LRRC7: variants seen among roughly 807,000 people sequenced by gnomAD.
LRRC7 encodes the protein leucine-rich repeat-containing protein 7.
In LRRC7, 23 loss-of-function variants were observed where a neutral mutation model predicts 175.7. The ratio of observed to expected loss-of-function variants is 0.13; its 90% confidence interval spans 0.09 to 0.19. The LOEUF (loss-of-function observed/expected upper bound fraction) is 0.19, where lower values mean the gene tolerates loss of function less well. LRRC7 is among the 10% of genes least tolerant of loss of function. The pLI is 1.00. For missense variants in LRRC7, 1,354 were observed against 1,904.7 expected (o/e 0.71, Z 5.38); for synonymous variants, 685 against 680.9 (o/e 1.01, Z -0.09).
chr1:70,125,574 C>T lies in LRRC7; in HGVS notation c.*3687C>T, dbSNP rs1341015009. Among the ~76,000 whole-genome samples, 3 of 151,978 alleles carry T rather than the reference C, an allele frequency of 2.0e-5. No individual in the cohort carries two copies. Among genetic ancestry groups the T allele is most frequent in the African/African-American group, 7.3e-5 (3 of 41,376 alleles). Reference sequence around the variant, plus strand: ...TTGGGAGGCCGAGGCGGGCGGATCACGAGGTCAGGAGATCGAGACCATCCC... The same window carrying T: ...TTGGGAGGCCGAGGCGGGCGGATCATGAGGTCAGGAGATCGAGACCATCCC... On this transcript the variant is annotated 3_prime_UTR_variant, in exon 27 of 27. Transcript: ENST00000651989.
At chr1:70,077,499 A>G (rs1364538412) in intron 24 of LRRC7, among the ~76,000 whole-genome samples, 8 of 152,212 alleles carry the variant, frequency 5.3e-5, no homozygotes, top group Admixed American at 3.3e-4. Flanking sequence ...ATTCATAGAT[A>G]TGACTTGCCC....
Position 69,605,506 on chromosome 1 carries a change from G to A in LRRC7, c.2+36865G>A, listed in dbSNP as rs1005803451. 1.3e-5 allele frequency among the ~76,000 whole-genome samples: 2 copies of A among 152,180 alleles called. 1 individual carries two copies. The highest frequency in any genetic ancestry group is 2.9e-5 in the Non-Finnish European group (2 of 68,028). On this transcript the variant is annotated intron_variant, in intron 1 of 26. Coordinates refer to ENST00000651989, the MANE Select transcript of LRRC7 (RefSeq NM_001370785.2). ...GCTTTGTGCAGGGCACTTACTGCAT[G>A]TCATAGAGGATGCAAAAATTAATAA...
At chr1:70,117,386 C>A (rs1665933332) in intron 26 of LRRC7, among the ~76,000 whole-genome samples, 1 of 152,106 alleles carries the variant, frequency 6.6e-6, no homozygotes, top group South Asian at 2.1e-4. Flanking sequence ...AAACATAAAT[C>A]CAGGAGAGAA....
chr1:69,901,778 G>A (rs1043190144), intron 7 of LRRC7, among the ~76,000 whole-genome samples: 2 of 151,990 alleles, frequency 1.3e-5, no homozygotes, highest in African/African-American at 4.8e-5. Context: ...ACACTTAACT[G>A]AATGCTGATG....
intron 3 of LRRC7, among the ~76,000 whole-genome samples, chr1:69,778,868 A>G (rs959907483): frequency 6.6e-5 from 10 of 151,730 alleles, no homozygotes; most frequent in Admixed American, 5.3e-4. Flanking sequence ...GCAAAAACAA[A>G]TATATACACA....
At chr1:69,585,238 ACTTTT>A (rs5774985) in intron 1 of LRRC7, among the ~76,000 whole-genome samples, 22,944 of 152,078 alleles carry the variant, frequency 0.15, 1,888 homozygotes, top group Admixed American at 0.19. Context: ...TAATATATAT[ACTTTT>A]CTTTATGTAA....
At chr1:69,687,227 G>C (rs1661258674) in intron 2 of LRRC7, among the ~76,000 whole-genome samples, 3 of 152,144 alleles carry the variant, frequency 2.0e-5, no homozygotes, top group Admixed American at 2.0e-4. Context: ...TATTATTTTA[G>C]GACAGGCACG....
chr1:69,975,292 C>G (rs1036162110), intron 8 of LRRC7, among the ~76,000 whole-genome samples: 3 of 152,156 alleles, frequency 2.0e-5, no homozygotes, highest in African/African-American at 7.2e-5. Flanking sequence ...AGCATCCTCA[C>G]CCACCTACAC....
At chr1:69,744,839 T>A (rs1392356593) in intron 2 of LRRC7, among the ~76,000 whole-genome samples, 3 of 151,842 alleles carry the variant, frequency 2.0e-5, no homozygotes, top group Non-Finnish European at 4.4e-5. Context: ...CATGCTATTA[T>A]AAAAATACAC....
At chr1:69,611,675 A>C (rs1034410146) in intron 1 of LRRC7, among the ~76,000 whole-genome samples, 2 of 152,074 alleles carry the variant, frequency 1.3e-5, no homozygotes, top group African/African-American at 4.8e-5. Context: ...CATTGTCTCC[A>C]TAAGGCACAT....
chr1:69,857,132 T>C (rs1557817389), intron 7 of LRRC7, among the ~76,000 whole-genome samples: 1 of 152,038 alleles, frequency 6.6e-6, no homozygotes, highest in Non-Finnish European at 1.5e-5. Flanking sequence ...TAAGAGCTAT[T>C]TATGACAAAC....
chr1:69,641,702 A>G (rs1406374118), intron 1 of LRRC7, among the ~76,000 whole-genome samples: 1 of 151,662 alleles, frequency 6.6e-6, no homozygotes, highest in Non-Finnish European at 1.5e-5. Context: ...ATAATTTTGT[A>G]GCTATATTTT....
In LRRC7 at chr1:69,796,399, A is replaced by C. The variant is rs539512383; in HGVS notation, c.421+4239A>C. 2.6e-5 allele frequency among the ~76,000 whole-genome samples: 4 copies of C among 151,790 alleles called. No homozygotes were observed. In the South Asian group the frequency reaches 6.2e-4, roughly 24 times the overall value. On this transcript the variant is annotated intron_variant, in intron 4 of 26. Transcript: ENST00000651989. Reference sequence around the variant, plus strand: ...CAAGCTGGTTGCTTGTGACACAAGGAATCATATTATCTTCTTATCTTCTCT... The same window carrying C: ...CAAGCTGGTTGCTTGTGACACAAGGCATCATATTATCTTCTTATCTTCTCT...
chr1:69,790,625 G>A (rs1457514310), intron 3 of LRRC7, among the ~76,000 whole-genome samples: 2 of 151,860 alleles, frequency 1.3e-5, no homozygotes, highest in South Asian at 2.1e-4. Flanking sequence ...CACACTGTAT[G>A]CAGATATAGA....
chr1:69,908,716 TGGTGTG>T, intron 7 of LRRC7, among the ~76,000 whole-genome samples: 1 of 40,930 alleles, frequency 2.4e-5, no homozygotes, highest in South Asian at 1.1e-3. Flanking sequence ...GTGTGGTGTG[TGGTGTG>T]GTGCTGAAAA....
rs1275635669 is a variant in LRRC7 at position 69,600,809 on chromosome 1, T to TC, written c.2+32168_2+32169insC. ...CAAGGATCTCTGGTTTCTTTTTTTT[T>TC]TTTTTTTTTTTTTTTTTTTGAGACA... On this transcript the variant is annotated intron_variant, in intron 1 of 26. Coordinates refer to ENST00000651989, the MANE Select transcript of LRRC7 (RefSeq NM_001370785.2). Among the ~76,000 whole-genome samples the TC allele has an allele frequency of 2.5e-4, 33 of 133,344 alleles. 2 individuals are homozygous for TC. Among genetic ancestry groups the TC allele is most frequent in the Middle Eastern group, 3.7e-3 (1 of 270 alleles). The allele number at this position is 133,344 out of a possible 152,430, so 87.5% of individuals were successfully genotyped here. A position where few individuals can be genotyped will look rare whatever the true frequency, so the allele number is the denominator to read the frequency against.
chr1:69,784,958 ACTTCCTTTATGT>A (rs1297654964), intron 3 of LRRC7, among the ~76,000 whole-genome samples: 3 of 152,066 alleles, frequency 2.0e-5, no homozygotes, highest in African/African-American at 4.8e-5. Flanking sequence ...GTTTGTTGAG[ACTTCCTTTATGT>A]CTAGCACATG....
chr1:69,715,454 C>T (rs188249430), intron 2 of LRRC7, among the ~76,000 whole-genome samples: 1 of 152,092 alleles, frequency 6.6e-6, no homozygotes, highest in East Asian at 1.9e-4. Flanking sequence ...CAAATTGCAA[C>T]ACCAAGTTAA....
intron 26 of LRRC7, among the ~76,000 whole-genome samples, chr1:70,118,448 T>A (rs1019841078): frequency 2.0e-5 from 3 of 152,148 alleles, no homozygotes; most frequent in South Asian, 2.1e-4. Flanking sequence ...GTGATAGAAA[T>A]CTGAATGGGA....
Sources: gnomAD v4.1 joint callset for allele counts (sites outside exome capture counted in the v4.1 genomes callset) on GRCh38, gnomAD v4.1.1 for gene constraint, MANE v1.5 for transcripts, NCBI Gene and HGNC (gene_info 2026-07-23, HGNC 2026-07-21) for gene names.